Variants in DDX60 observed in about 807,000 individuals in gnomAD.
DDX60 encodes probable ATP-dependent RNA helicase DDX60.
A neutral mutation model predicts 212.8 loss-of-function variants in DDX60; 165 were observed. The observed-to-expected ratio is 0.78, with a 90% CI of 0.68 to 0.88. DDX60 has a LOEUF of 0.88. Ranked by LOEUF, DDX60 falls within the 40% of genes least tolerant of loss-of-function variation. The pLI is 0.00. For synonymous variants in DDX60, 703 were observed against 685.3 expected (o/e 1.03, Z -0.40); for missense variants, 1,905 against 2,003.9 (o/e 0.95, Z 0.94).
At chr4:168,248,409 G>A (rs1734096241) in intron 28 of DDX60, 117 bp from the exon 29 acceptor site, 1 of 668,886 alleles carries the variant, frequency 1.5e-6, no homozygotes, top group Non-Finnish European at 2.4e-6. Flanking sequence ...CAATGGGAAA[G>A]CTAGAGAAAC....
intron 28 of DDX60, among the ~76,000 whole-genome samples, chr4:168,250,689 C>G (rs1734188375): frequency 1.0e-5 from 1 of 99,018 alleles, no homozygotes; most frequent in Non-Finnish European, 2.0e-5. Context: ...CCACGCCCGG[C>G]TAATTTTTGT....
chr4:168,290,562 A>ATC (rs1736049249), intron 8 of DDX60, among the ~76,000 whole-genome samples: 1 of 151,602 alleles, frequency 6.6e-6, no homozygotes, highest in Non-Finnish European at 1.5e-5. Context: ...GATGGTCTTG[A>ATC]TCTCCTGACC....
chr4:168,265,713 C>T (rs1238995264), intron 22 of DDX60: 1 of 152,018 alleles, frequency 6.6e-6, no homozygotes, highest in East Asian at 1.9e-4. Flanking sequence ...TGCCTTGAAC[C>T]ATCCTACACA....
intron 5 of DDX60, among the ~76,000 whole-genome samples, chr4:168,306,022 T>C (rs943079091): frequency 6.6e-6 from 1 of 152,184 alleles, no homozygotes; most frequent in East Asian, 1.9e-4. Context: ...AGTCCAACTG[T>C]GTCTTTTCAA....
intron 6 of DDX60, among the ~76,000 whole-genome samples, chr4:168,298,889 A>G (rs1230206830): frequency 6.6e-6 from 1 of 152,050 alleles, no homozygotes; most frequent in African/African-American, 2.4e-5. Context: ...GTAGCCGGGC[A>G]CGGTGGCTCA....
chr4:168,313,022 CATATGCAA>C (rs1373108649), intron 1 of DDX60, among the ~76,000 whole-genome samples: 6 of 152,170 alleles, frequency 3.9e-5, no homozygotes, highest in Non-Finnish European at 1.5e-5. Flanking sequence ...CTTGCTGAAA[CATATGCAA>C]ATATGCATGA....
intron 25 of DDX60, among the ~76,000 whole-genome samples, chr4:168,258,722 C>T (rs1396271231): frequency 6.6e-6 from 1 of 152,086 alleles, no homozygotes; most frequent in African/African-American, 2.4e-5. Flanking sequence ...GAACATGCTA[C>T]TCCCAAAATA....
intron 28 of DDX60, among the ~76,000 whole-genome samples, chr4:168,248,790 G>A (rs1422702466): frequency 1.3e-5 from 2 of 148,264 alleles, no homozygotes; most frequent in South Asian, 2.1e-4. Context: ...ACGGAGTTTC[G>A]CTCTTGTCGC....
intron 24 of DDX60, 125 bp from the exon 25 acceptor site, chr4:168,261,114 G>C: frequency 1.0e-6 from 1 of 995,828 alleles, no homozygotes; most frequent in Non-Finnish European, 1.5e-6. Context: ...ATAGTCCTAT[G>C]AAAGTACATT....
At chr4:168,286,280 T>C (rs1271677342) in intron 10 of DDX60, among the ~76,000 whole-genome samples, 1 of 151,564 alleles carries the variant, frequency 6.6e-6, no homozygotes, top group African/African-American at 2.4e-5. Flanking sequence ...CATACACATA[T>C]ACAAAGACTT....
chr4:168,320,390 G>A (rs1035002589), upstream of DDX60, among the ~76,000 whole-genome samples: 6 of 152,128 alleles, frequency 3.9e-5, no homozygotes, highest in Non-Finnish European at 5.9e-5. Flanking sequence ...CACAGATGGC[G>A]TTGAAGACAG....
chr4:168,245,503 C>T (rs1375950423), intron 30 of DDX60, among the ~76,000 whole-genome samples: 1 of 151,908 alleles, frequency 6.6e-6, no homozygotes, highest in African/African-American at 2.4e-5. Context: ...AAATAAGAAA[C>T]CTTATTAGAA....
At chr4:168,290,487 C>G (rs1736044218) in intron 8 of DDX60, among the ~76,000 whole-genome samples, 1 of 151,832 alleles carries the variant, frequency 6.6e-6, no homozygotes, top group Non-Finnish European at 1.5e-5. Context: ...TACCACCATG[C>G]CTGGCTACTT....
rs756230995 is a variant in DDX60, at chr4:168,273,948, C to T, written c.2440G>A (p.Val814Ile). 1.5e-5 allele frequency: 25 copies of T among 1,613,584 alleles called. No individual in the cohort carries two copies. The highest frequency in any genetic ancestry group is 1.5e-4 in the South Asian group (14 of 90,980). Residue 814 changes from valine to isoleucine, a missense_variant, in exon 17 of 38, where the codon GTT becomes ATT. Transcript: ENST00000393743. ...TTGAGCACTACCTTTGTGGGTGCAA[C>T]GTACACGACCACCCCGTCGTCGCTC... The part of the protein sequence containing the change: ...KESDDGVVVY[V>I]APTKALVNQV...
chr4:168,271,024 C>T (rs1296087016), intron 19 of DDX60, among the ~76,000 whole-genome samples: 3 of 151,670 alleles, frequency 2.0e-5, no homozygotes, highest in Admixed American at 2.0e-4. Context: ...ATTACAGGCA[C>T]CTGCCACCAC....
intron 8 of DDX60, among the ~76,000 whole-genome samples, chr4:168,289,551 T>C (rs1735997125): frequency 6.6e-6 from 1 of 152,186 alleles, no homozygotes; most frequent in Non-Finnish European, 1.5e-5. Flanking sequence ...AGGGTAACAA[T>C]TCCTAAACTT....
At chr4:168,250,038 C>T (rs7696654) in intron 28 of DDX60, among the ~76,000 whole-genome samples, 9,898 of 152,154 alleles carry the variant, frequency 0.065, 473 homozygotes, top group East Asian at 0.15. Flanking sequence ...ACAAGCAAAC[C>T]ATATAAAGCT....
chr4:168,251,337 G>A (rs571942848), intron 27 of DDX60, among the ~76,000 whole-genome samples: 20 of 152,334 alleles, frequency 1.3e-4, no homozygotes, highest in African/African-American at 4.8e-4. Context: ...TTCTGGGGCA[G>A]AAAATTTTGA....
intron 32 of DDX60, 78 bp downstream of exon 32, chr4:168,237,208 T>C (rs909652680): frequency 2.0e-6 from 2 of 1,020,244 alleles, no homozygotes; most frequent in Non-Finnish European, 2.6e-6. Flanking sequence ...AAAATATTCC[T>C]GAAGTGTTGT....
Sources: allele counts gnomAD v4.1 joint callset (sites outside exome capture counted in the v4.1 genomes callset), GRCh38; gene constraint gnomAD v4.1.1; transcripts MANE v1.5; gene names NCBI Gene and HGNC (gene_info 2026-07-23, HGNC 2026-07-21).